The following ANKS1B variants were observed in gnomAD, a reference collection of about 807,000 sequenced individuals.
The protein encoded by ANKS1B is ankyrin repeat and sterile alpha motif domain containing 1B.
ANKS1B carries 36 observed loss-of-function variants against 148.3 expected under a neutral mutation model. The ratio of observed to expected loss-of-function variants is 0.24; its 90% CI spans 0.19 to 0.32. The LOEUF is 0.32. Ranked by LOEUF, ANKS1B falls within the 10% of genes least tolerant of loss-of-function variation. ANKS1B has a pLI of 1.00. For synonymous variants in ANKS1B, 542 were observed against 560.8 expected, an observed-to-expected ratio of 0.97 and a Z score of 0.47; for missense variants, 1,157 against 1,542.6, an observed-to-expected ratio of 0.75 and a Z score of 4.19.
intron 12 of ANKS1B, among the ~76,000 whole-genome samples, chr12:99,333,547 T>A (rs1021427013): frequency 1.3e-5 from 2 of 152,042 alleles, no homozygotes; most frequent in Non-Finnish European, 2.9e-5. Context: ...AAAATCTCCT[T>A]CCTGTTGATT....
intron 17 of ANKS1B, among the ~76,000 whole-genome samples, chr12:98,869,465 T>C (rs1260345313): frequency 1.3e-5 from 2 of 152,172 alleles, no homozygotes; most frequent in African/African-American, 2.4e-5. Context: ...TGTGAGACCC[T>C]GGATGGAGTT....
In ANKS1B at chr12:99,773,837, T is replaced by G. The variant is rs889291817; in HGVS notation, c.962-749A>C. 5.3e-5 allele frequency among the ~76,000 whole-genome samples: 8 copies of G among 152,256 alleles called. No individual in the cohort carries two copies. In the East Asian group the frequency reaches 1.3e-3, roughly 26 times the overall value. ...TTATTGGTATATATGTCTGTTTTCATGCCTGTACCATACTGTTTTGATTAC... is the reference window on the plus strand; with the variant it reads ...TTATTGGTATATATGTCTGTTTTCAGGCCTGTACCATACTGTTTTGATTAC... On this transcript the variant is annotated intron_variant, in intron 7 of 26. Coordinates refer to ENST00000683438, the MANE Select transcript of ANKS1B (RefSeq NM_001352186.2).
chr12:99,778,235 C>T (rs1230453133), intron 6 of ANKS1B, among the ~76,000 whole-genome samples: 1 of 151,730 alleles, frequency 6.6e-6, no homozygotes, highest in Non-Finnish European at 1.5e-5. Context: ...AGGCTGGGCG[C>T]TGTGGCTCAT....
At chr12:99,024,238 A>G (rs1245932142) in intron 17 of ANKS1B, among the ~76,000 whole-genome samples, 1 of 152,200 alleles carries the variant, frequency 6.6e-6, no homozygotes, top group Non-Finnish European at 1.5e-5. Context: ...TACCCACTAA[A>G]GAACATTATG....
intron 10 of ANKS1B, among the ~76,000 whole-genome samples, chr12:99,444,169 C>A (rs972534162): frequency 6.6e-6 from 1 of 151,894 alleles, no homozygotes; most frequent in Non-Finnish European, 1.5e-5. Flanking sequence ...TGGGCTAAAG[C>A]TTTCCCAATA....
chr12:98,814,332 C>T (rs532075095), intron 19 of ANKS1B, among the ~76,000 whole-genome samples: 9 of 152,258 alleles, frequency 5.9e-5, no homozygotes, highest in East Asian at 5.8e-4. Context: ...ACATTTTTAC[C>T]GAATGAATGG....
At chr12:99,330,948 A>C (rs1214813829) in intron 12 of ANKS1B, among the ~76,000 whole-genome samples, 1 of 152,006 alleles carries the variant, frequency 6.6e-6, no homozygotes, top group Non-Finnish European at 1.5e-5. Flanking sequence ...GAAACATGAA[A>C]GTGTGTGACC....
chr12:98,874,330 A>T (rs1035710883), intron 17 of ANKS1B, among the ~76,000 whole-genome samples: 2 of 152,180 alleles, frequency 1.3e-5, no homozygotes, highest in Admixed American at 1.3e-4. Context: ...GCCAAATTTG[A>T]TTGCTTTTCT....
At chr12:99,409,351 T>C (rs919506336) in intron 11 of ANKS1B, among the ~76,000 whole-genome samples, 27 of 152,062 alleles carry the variant, frequency 1.8e-4, no homozygotes, top group African/African-American at 6.3e-4. Flanking sequence ...TACCAGATGC[T>C]AAAAATGGTA....
intron 9 of ANKS1B, among the ~76,000 whole-genome samples, chr12:99,579,492 C>G (rs1376561733): frequency 6.6e-6 from 1 of 151,794 alleles, no homozygotes; most frequent in Non-Finnish European, 1.5e-5. Flanking sequence ...AGAAACATAA[C>G]AAAATCAACA....
At chr12:99,803,900 T>C (rs1214639355) in intron 4 of ANKS1B, among the ~76,000 whole-genome samples, 2 of 152,206 alleles carry the variant, frequency 1.3e-5, no homozygotes, top group Non-Finnish European at 2.9e-5. Flanking sequence ...TAGCATTTAT[T>C]ATATGTCATG....
At chr12:99,437,643 C>G (rs1229441688) in intron 11 of ANKS1B, among the ~76,000 whole-genome samples, 1 of 151,902 alleles carries the variant, frequency 6.6e-6, no homozygotes, top group African/African-American at 2.4e-5. Context: ...ATCCAGTGCT[C>G]TGTCAACTGC....
At chr12:99,456,022 C>G (rs2095842655) in intron 10 of ANKS1B, among the ~76,000 whole-genome samples, 2 of 152,174 alleles carry the variant, frequency 1.3e-5, no homozygotes, top group South Asian at 2.1e-4. Context: ...GTCCACTTCA[C>G]TCTCCTGATA....
chr12:99,866,656 G>T (rs2090795715), intron 1 of ANKS1B, among the ~76,000 whole-genome samples: 1 of 152,006 alleles, frequency 6.6e-6, no homozygotes, highest in Non-Finnish European at 1.5e-5. Flanking sequence ...TCACAAATAT[G>T]CATTACTGTA....
At chr12:99,706,711 C>T (rs915705991) in intron 8 of ANKS1B, 9 of 152,096 alleles carry the variant, frequency 5.9e-5, no homozygotes, top group African/African-American at 2.2e-4. Flanking sequence ...ATTTTGCAAA[C>T]ATACCCTCTG....
intron 15 of ANKS1B, among the ~76,000 whole-genome samples, chr12:99,140,216 T>C (rs900304831): frequency 2.0e-5 from 3 of 152,304 alleles, no homozygotes; most frequent in Middle Eastern, 3.4e-3. Context: ...CAACCTGCAC[T>C]ACTTCATGGC....
intron 17 of ANKS1B, among the ~76,000 whole-genome samples, chr12:98,886,730 A>G (rs1194026566): frequency 1.3e-5 from 2 of 152,166 alleles, no homozygotes; most frequent in African/African-American, 2.4e-5. Flanking sequence ...ATCACCTACA[A>G]AGGGTGGCCT....
chr12:99,882,636 C>A (rs971786771), intron 1 of ANKS1B, among the ~76,000 whole-genome samples: 3 of 152,064 alleles, frequency 2.0e-5, no homozygotes, highest in Non-Finnish European at 4.4e-5. Flanking sequence ...ACTATAGAGA[C>A]TTGCGGGAAA....
chr12:99,394,095 C>T (rs564855579), intron 12 of ANKS1B, among the ~76,000 whole-genome samples: 1 of 152,272 alleles, frequency 6.6e-6, no homozygotes, highest in East Asian at 1.9e-4. Flanking sequence ...CATCATATAC[C>T]TCCTTTGTCC....
Sources: gnomAD v4.1 joint callset for allele counts (sites outside exome capture counted in the v4.1 genomes callset) on GRCh38, gnomAD v4.1.1 for gene constraint, MANE v1.5 for transcripts, NCBI Gene and HGNC (gene_info 2026-07-23, HGNC 2026-07-21) for gene names.